SSBP2: variants seen among roughly 807,000 people sequenced by gnomAD.
The protein encoded by SSBP2 is single stranded DNA binding protein 2, also known as single-stranded DNA-binding protein 2.
SSBP2 carries 17 observed loss-of-function variants against 61.8 expected under a neutral mutation model. That is an observed-to-expected ratio of 0.28 (90% confidence interval 0.19 to 0.41). SSBP2 has a LOEUF of 0.41. Ranked by LOEUF, SSBP2 falls within the 10% of genes least tolerant of loss-of-function variation. The pLI is 1.00. For synonymous variants in SSBP2, 139 were observed against 141.3 expected, an observed-to-expected ratio of 0.98 and a Z score of 0.12; for missense variants, 310 against 458.7, an observed-to-expected ratio of 0.68 and a Z score of 2.96.
intron 1 of SSBP2, among the ~76,000 whole-genome samples, chr5:81,680,159 C>A (rs1200062056): frequency 2.0e-5 from 3 of 151,868 alleles, no homozygotes; most frequent in Admixed American, 1.3e-4. Context: ...GGTTTTCAGG[C>A]ATCTGAGTTT....
intron 6 of SSBP2, 70 bp downstream of exon 6, chr5:81,489,180 T>A: frequency 7.8e-7 from 1 of 1,284,542 alleles, no homozygotes; most frequent in East Asian, 2.4e-5. Flanking sequence ...TTTTACAGGA[T>A]GATAAATATA....
intron 1 of SSBP2, among the ~76,000 whole-genome samples, chr5:81,666,463 G>A (rs1324465093): frequency 6.6e-6 from 1 of 152,098 alleles, no homozygotes; most frequent in African/African-American, 2.4e-5. Context: ...TGAGCATGTA[G>A]GTTTGGGATT....
intron 1 of SSBP2, among the ~76,000 whole-genome samples, chr5:81,707,910 C>T (rs574175520): frequency 1.3e-5 from 2 of 152,184 alleles, no homozygotes; most frequent in East Asian, 3.9e-4. Context: ...CAAAGATTTG[C>T]AATTTACTTA....
At chr5:81,424,517 T>G (rs1394441345) in intron 16 of SSBP2, among the ~76,000 whole-genome samples, 1 of 152,136 alleles carries the variant, frequency 6.6e-6, no homozygotes. Flanking sequence ...TACAAATAAC[T>G]GTAAGATGGT....
At chr5:81,571,210 C>T (rs1370245090) in intron 4 of SSBP2, among the ~76,000 whole-genome samples, 4 of 152,154 alleles carry the variant, frequency 2.6e-5, no homozygotes, top group Non-Finnish European at 5.9e-5. Flanking sequence ...GCCATAAATC[C>T]ATAAATCAAA....
intron 10 of SSBP2, among the ~76,000 whole-genome samples, chr5:81,451,619 G>A (rs1763778444): frequency 6.6e-6 from 1 of 152,130 alleles, no homozygotes; most frequent in Non-Finnish European, 1.5e-5. Flanking sequence ...TAGAGATGGG[G>A]TTTCACCATG....
chr5:81,699,854 C>CT lies in SSBP2; in HGVS notation c.63-49516dup, dbSNP rs3081889. Among the ~76,000 whole-genome samples, 412 of 124,814 alleles carry CT rather than the reference C, an allele frequency of 3.3e-3. 2 individuals carry two copies. Among genetic ancestry groups the CT allele is most frequent in the South Asian group, 0.011 (43 of 3,840 alleles). 81.9% of individuals were successfully genotyped at this position (124,814 alleles called of 152,430 possible). A position where few individuals can be genotyped will look rare whatever the true frequency, so the allele number is the denominator to read the frequency against. The stretch of plus-strand genomic sequence containing the variant: ...ACAGATAGCTTTACAAAATCAATTT[C>CT]TTTTTTTTTTTTTTTTTTTTGAGAC... On this transcript the variant is annotated intron_variant, in intron 1 of 16. Transcript: ENST00000320672.
At chr5:81,693,120 G>C (rs906388159) in intron 1 of SSBP2, among the ~76,000 whole-genome samples, 1 of 150,288 alleles carries the variant, frequency 6.7e-6, no homozygotes, top group Non-Finnish European at 1.5e-5. Flanking sequence ...CAGGAGAATC[G>C]CTTGAACCTG....
intron 3 of SSBP2, among the ~76,000 whole-genome samples, chr5:81,631,547 AAGT>A (rs1393021900): frequency 6.6e-6 from 1 of 151,886 alleles, no homozygotes; most frequent in African/African-American, 2.4e-5. Flanking sequence ...TGCTGCAGAA[AAGT>A]CACATTCCTG....
intron 4 of SSBP2, among the ~76,000 whole-genome samples, chr5:81,614,828 A>G (rs1379280788): frequency 6.6e-6 from 1 of 151,784 alleles, no homozygotes; most frequent in African/African-American, 2.4e-5. Flanking sequence ...TCACAGTTCT[A>G]CTTTCTGATA....
intron 1 of SSBP2, among the ~76,000 whole-genome samples, chr5:81,745,303 TAGTCA>T (rs1445304841): frequency 2.6e-5 from 4 of 152,132 alleles, no homozygotes; most frequent in African/African-American, 9.6e-5. Flanking sequence ...TTTAATCTAA[TAGTCA>T]AGTAACTCTC....
intron 4 of SSBP2, among the ~76,000 whole-genome samples, chr5:81,568,252 G>C (rs952744447): frequency 2.0e-5 from 3 of 152,116 alleles, no homozygotes; most frequent in African/African-American, 7.2e-5. Flanking sequence ...TTGAATCATA[G>C]GGGCAGCTTT....
At chr5:81,569,238 A>T (rs888458891) in intron 4 of SSBP2, among the ~76,000 whole-genome samples, 70 of 152,192 alleles carry the variant, frequency 4.6e-4, no homozygotes, top group African/African-American at 1.5e-3. Context: ...ACAAAAGCAT[A>T]GTGTAACCAC....
chr5:81,727,316 G>A (rs1258802087), intron 1 of SSBP2, among the ~76,000 whole-genome samples: 1 of 152,146 alleles, frequency 6.6e-6, no homozygotes, highest in Non-Finnish European at 1.5e-5. Flanking sequence ...TTGGGAGGCC[G>A]AGGCAGGCAG....
intron 1 of SSBP2, among the ~76,000 whole-genome samples, chr5:81,665,143 G>A (rs908073084): frequency 6.6e-6 from 1 of 152,162 alleles, no homozygotes; most frequent in Non-Finnish European, 1.5e-5. Context: ...TCTATAAATT[G>A]CTTTGGGCAG....
intron 16 of SSBP2, among the ~76,000 whole-genome samples, chr5:81,427,945 A>T (rs921577738): frequency 2.0e-5 from 3 of 151,902 alleles, no homozygotes; most frequent in Admixed American, 6.6e-5. Flanking sequence ...ATTACATAGA[A>T]CTCCTTGAGA....
chr5:81,567,471 G>A (rs936001696), intron 4 of SSBP2, among the ~76,000 whole-genome samples: 3 of 152,196 alleles, frequency 2.0e-5, no homozygotes, highest in African/African-American at 7.2e-5. Flanking sequence ...AGAAACGCTT[G>A]GATGCCCAGG....
intron 4 of SSBP2, among the ~76,000 whole-genome samples, chr5:81,523,565 TAAA>T (rs1189533899): frequency 1.3e-5 from 2 of 152,052 alleles, no homozygotes; most frequent in Middle Eastern, 3.2e-3. Flanking sequence ...AATGAGTTAT[TAAA>T]AAAGTTAAAT....
At chr5:81,543,539 T>C (rs1392671199) in intron 4 of SSBP2, among the ~76,000 whole-genome samples, 1 of 152,118 alleles carries the variant, frequency 6.6e-6, no homozygotes, top group Non-Finnish European at 1.5e-5. Flanking sequence ...GTTGAAAAAC[T>C]CACTATTGGG....
Sources: allele counts gnomAD v4.1 joint callset (sites outside exome capture counted in the v4.1 genomes callset), GRCh38; gene constraint gnomAD v4.1.1; transcripts MANE v1.5; gene names NCBI Gene and HGNC (gene_info 2026-07-23, HGNC 2026-07-21).